Variants in BCO2 observed in about 807,000 individuals in gnomAD.
The protein encoded by BCO2 is carotenoid-cleaving dioxygenase, mitochondrial.
BCO2 carries 56 observed loss-of-function variants against 65.8 expected under a neutral mutation model. The ratio of observed to expected loss-of-function variants is 0.85; its 90% CI spans 0.69 to 1.06. The LOEUF is 1.06. Ranked by LOEUF, BCO2 falls within the 50% of genes least tolerant of loss-of-function variation. The pLI is 0.00. For synonymous variants in BCO2, 233 were observed against 242.3 expected (o/e 0.96, Z 0.36); for missense variants, 675 against 698.5 (o/e 0.97, Z 0.38).
At chr11:112,212,447 G>A (rs1859536661) in intron 8 of BCO2, among the ~76,000 whole-genome samples, 1 of 152,164 alleles carries the variant, frequency 6.6e-6, no homozygotes, top group Non-Finnish European at 1.5e-5. Context: ...ACAAGCCTGG[G>A]CAACATAGTG....
chr11:112,203,500 A>C (rs1426783024), intron 8 of BCO2, among the ~76,000 whole-genome samples: 1 of 152,240 alleles, frequency 6.6e-6, no homozygotes, highest in Non-Finnish European at 1.5e-5. Flanking sequence ...TTTGAGGTTT[A>C]CAACATGATG....
intron 7 of BCO2, among the ~76,000 whole-genome samples, chr11:112,201,799 A>G (rs569495363): frequency 6.6e-6 from 1 of 152,336 alleles, no homozygotes; most frequent in South Asian, 2.1e-4. Context: ...ATTGGTCTAT[A>G]TCAAATAGAC....
chr11:112,191,340 C>T (rs1867384843), intron 2 of BCO2, among the ~76,000 whole-genome samples: 1 of 151,948 alleles, frequency 6.6e-6, no homozygotes, highest in Admixed American at 6.6e-5. Flanking sequence ...GAAATAATAT[C>T]CTTCATATAT....
rs1229339107 is a variant in BCO2, at chr11:112,217,812, G to A, written c.1678G>A (p.Gly560Ser). ...VLDAKNFEELGRAEVPVQMPY... is the reference protein window; with the variant it reads ...VLDAKNFEELSRAEVPVQMPY... ...GGATGCCAAGAACTTTGAAGAGCTG[G>A]GCCGAGCAGAGGTACCTGTGCAGAT... is the stretch of plus-strand genomic sequence containing the variant. The change falls in exon 12 of 12, where the codon GGC becomes AGC. Residue 560 changes from glycine (G) to serine (S), a missense_variant. By Grantham distance (56) the Gly-to-Ser change is moderately conservative. Transcript: ENST00000357685. The A allele has an allele frequency of 6.2e-7, 1 of 1,614,040 alleles. No homozygotes were observed. Among genetic ancestry groups the A allele is most frequent in the Admixed American group, 1.7e-5 (1 of 60,004 alleles).
intron 2 of BCO2, among the ~76,000 whole-genome samples, chr11:112,190,390 G>C (rs1053219815): frequency 6.6e-6 from 1 of 152,224 alleles, no homozygotes; most frequent in South Asian, 2.1e-4. Flanking sequence ...CTTTGATCAG[G>C]TGGGATTAAT....
chr11:112,176,617 G>A (rs1866895846), intron 1 of BCO2, among the ~76,000 whole-genome samples: 2 of 151,702 alleles, frequency 1.3e-5, no homozygotes, highest in African/African-American at 2.4e-5. Flanking sequence ...CCAAGGGAGA[G>A]TGCTGAGATT....
chr11:112,193,992 AAGGTAAAGTAC>A lies in BCO2; in HGVS notation c.633+6_633+16del, dbSNP rs756108608. 4.6e-5 allele frequency: 70 copies of A among 1,525,268 alleles called. No individual in the cohort carries two copies. The African/African-American group carries it at 5.8e-4, about 13-fold the overall frequency. The allele number at this position is 1,525,268 out of a possible 1,614,324, so 94.5% of individuals were successfully genotyped here. On this transcript the variant is annotated splice_donor_variant and splice_donor_5th_base_variant and coding_sequence_variant and intron_variant, in exon 4 of 12. Coordinates refer to ENST00000357685, the MANE Select transcript of BCO2 (RefSeq NM_031938.7). LOFTEE classifies it high-confidence loss of function. Reference sequence around the variant, plus strand: ...CATTGAAACTCTGGAAAAAACAGAAAAGGTAAAGTACAGGTAAAAAAAAATGAATAAAATAG... The same window carrying A: ...CATTGAAACTCTGGAAAAAACAGAAAAGGTAAAAAAAAATGAATAAAATAG...
chr11:112,215,516 C>A (rs537729221), intron 10 of BCO2: 1 of 155,070 alleles, frequency 6.4e-6, no homozygotes, highest in Non-Finnish European at 1.4e-5. Flanking sequence ...CAAGACCATC[C>A]TGGCCAACAC....
intron 2 of BCO2, among the ~76,000 whole-genome samples, chr11:112,184,954 A>G (rs1396340940): frequency 1.3e-5 from 2 of 152,232 alleles, no homozygotes; most frequent in Non-Finnish European, 2.9e-5. Context: ...ATATGTACAT[A>G]TGCAAAGCTT....
Position 112,217,942 on chromosome 11 carries a change from A to T in BCO2, c.*68A>T, listed in dbSNP as rs1247345310. On this transcript the variant is annotated 3_prime_UTR_variant, in exon 12 of 12. Transcript: ENST00000357685. ...TGCACTTGGACATAAAGACTGGAGA[A>T]ATAAACACTGAGGACTCCAAAAGGG... 1 of 1,179,328 alleles carries T rather than the reference A, an allele frequency of 8.5e-7. No individual in the cohort carries two copies. Among genetic ancestry groups the T allele is most frequent in the African/African-American group, 1.5e-5 (1 of 64,824 alleles). 73.1% of individuals were successfully genotyped at this position (1,179,328 alleles called of 1,614,324 possible). A position where few individuals can be genotyped will look rare whatever the true frequency, so the allele number is the denominator to read the frequency against.
chr11:112,212,633 G>A (rs1287236377), intron 8 of BCO2, among the ~76,000 whole-genome samples: 2 of 152,104 alleles, frequency 1.3e-5, no homozygotes, highest in Admixed American at 6.6e-5. Flanking sequence ...AGTCACAATG[G>A]ACATGCTTAA....
At position 112,214,793 on chromosome 11, in the gene BCO2, A is replaced by C; in HGVS notation, c.1364A>C (p.Glu455Ala). The C allele has an allele frequency of 6.2e-7, 1 of 1,613,812 alleles. No individual in the cohort carries two copies. The highest frequency in any genetic ancestry group is 8.5e-7 in the Non-Finnish European group (1 of 1,179,696). ...IWCSHENLHQ[E>A]DLEKEGGIEF... is the part of the protein sequence containing the mutation. Reference sequence around the variant, plus strand: ...TGCTCTCATGAAAATCTACATCAGGAGGACCTAGAAAAGGAAGGAGGCATT... The same window carrying C: ...TGCTCTCATGAAAATCTACATCAGGCGGACCTAGAAAAGGAAGGAGGCATT... Residue 455 changes from glutamate (E) to alanine (A), a missense_variant, in exon 10 of 12, where the codon GAG (glutamate) becomes GCG (alanine). Glu to Ala is a moderately radical substitution (Grantham distance 107). Coordinates refer to ENST00000357685, the MANE Select transcript of BCO2 (RefSeq NM_031938.7).
intron 8 of BCO2, among the ~76,000 whole-genome samples, chr11:112,203,998 C>A (rs997677133): frequency 2.0e-5 from 3 of 152,042 alleles, no homozygotes; most frequent in Non-Finnish European, 4.4e-5. Context: ...GGACTACAGG[C>A]ACATACCAAC....
intron 6 of BCO2, 160 bp from the exon 7 acceptor site, chr11:112,200,453 T>C: frequency 1.7e-6 from 1 of 593,236 alleles, no homozygotes. Flanking sequence ...AGGAAATACG[T>C]ATAGTAAAGC....
At chr11:112,198,981 A>G (rs1041908626) in intron 5 of BCO2, among the ~76,000 whole-genome samples, 1 of 151,900 alleles carries the variant, frequency 6.6e-6, no homozygotes, top group Admixed American at 6.6e-5. Flanking sequence ...TATTATACTT[A>G]AAGTTCTGGG....
chr11:112,189,013 A>G (rs1867290704), intron 2 of BCO2, among the ~76,000 whole-genome samples: 1 of 152,212 alleles, frequency 6.6e-6, no homozygotes, highest in South Asian at 2.1e-4. Context: ...TAGACAAACC[A>G]TTAGTTAACA....
chr11:112,184,338 C>T lies in BCO2; in HGVS notation c.293+4856C>T, dbSNP rs113738273. On this transcript the variant is annotated intron_variant, in intron 2 of 11. Coordinates refer to ENST00000357685, the MANE Select transcript of BCO2 (RefSeq NM_031938.7). ...TGCAACCTCGGCTCACTGCAAGCTC[C>T]GCCTCCCAGGTTCACATCATTCTCC... is the stretch of plus-strand genomic sequence containing the variant. Among the ~76,000 whole-genome samples the T allele has an allele frequency of 6.0e-3, 905 of 151,780 alleles. 16 individuals are homozygous for T. Among genetic ancestry groups the T allele is most frequent in the Middle Eastern group, 6.8e-3 (2 of 294 alleles).
chr11:112,194,006 G>GT lies in BCO2; in HGVS notation c.633+13dup. The GT allele has an allele frequency of 7.3e-7, 1 of 1,371,820 alleles. No homozygotes were observed. Among genetic ancestry groups the GT allele is most frequent in the Non-Finnish European group, 1.0e-6 (1 of 960,732 alleles). 85.0% of individuals were successfully genotyped at this position (1,371,820 alleles called of 1,614,324 possible). A position where few individuals can be genotyped will look rare whatever the true frequency, so the allele number is the denominator to read the frequency against. On this transcript the variant is annotated intron_variant, in intron 4 of 11. Transcript: ENST00000357685. The stretch of plus-strand genomic sequence containing the variant: ...AAAAAACAGAAAAGGTAAAGTACAG[G>GT]TAAAAAAAAATGAATAAAATAGATC...
intron 1 of BCO2, among the ~76,000 whole-genome samples, chr11:112,177,463 T>G (rs867244272): frequency 1.6e-4 from 24 of 152,322 alleles, no homozygotes; most frequent in African/African-American, 5.3e-4. Flanking sequence ...ACAGTGTCAG[T>G]GATCTGTTTA....
Sources: gnomAD v4.1 joint callset for allele counts (sites outside exome capture counted in the v4.1 genomes callset) on GRCh38, gnomAD v4.1.1 for gene constraint, MANE v1.5 for transcripts, NCBI Gene and HGNC (gene_info 2026-07-23, HGNC 2026-07-21) for gene names.